Variants in RBM46 observed in about 807,000 individuals in gnomAD.
RBM46 encodes probable RNA-binding protein 46.
A neutral mutation model predicts 43.3 loss-of-function variants in RBM46; 12 were observed. The observed-to-expected ratio is 0.28, with a 90% CI of 0.18 to 0.45. The LOEUF is 0.45. RBM46 is among the 20% of genes least tolerant of loss of function. The pLI, the probability that RBM46 is intolerant of heterozygous loss-of-function variation, is 1.00. For missense variants in RBM46, 412 were observed against 639.1 expected (o/e 0.64, Z 3.83); for synonymous variants, 205 against 207.6 (o/e 0.99, Z 0.11).
chr4:154,823,443 T>G (rs1329948566), intron 4 of RBM46, among the ~76,000 whole-genome samples: 1 of 151,790 alleles, frequency 6.6e-6, no homozygotes, highest in Non-Finnish European at 1.5e-5. Context: ...AAACCAATTA[T>G]GAGGAATATA....
intron 4 of RBM46, among the ~76,000 whole-genome samples, chr4:154,805,036 T>G (rs1449002791): frequency 1.3e-5 from 2 of 152,096 alleles, no homozygotes; most frequent in Non-Finnish European, 2.9e-5. Context: ...TTGTAAACCC[T>G]TTGCAGAGTT....
Position 154,798,922 on chromosome 4 carries a change from G to A in RBM46, c.760G>A (p.Ala254Thr). Residue 254 changes from alanine to threonine, a missense_variant, in exon 4 of 5, where the codon GCA becomes ACA. By Grantham distance (58) the Ala-to-Thr change is moderately conservative (BLOSUM62 0). Transcript: ENST00000281722. ...MISTTEETIK[A>T]EFNKFKPGAV... ...CTCAACTACAGAGGAAACAATTAAA[G>A]CAGAATTCAATAAATTTAAGCCTGG... is the stretch of plus-strand genomic sequence containing the variant. 6.2e-7 allele frequency: 1 copy of A among 1,613,558 alleles called. No homozygotes were observed.
chr4:154,786,253 AT>A (rs1239408610), intron 1 of RBM46, among the ~76,000 whole-genome samples: 3 of 151,696 alleles, frequency 2.0e-5, no homozygotes, highest in Admixed American at 1.3e-4. Context: ...TGCCTGGCTA[AT>A]TTTTTTGTAT....
At chr4:154,808,568 C>CA (rs1735026250) in intron 4 of RBM46, among the ~76,000 whole-genome samples, 1 of 150,866 alleles carries the variant, frequency 6.6e-6, no homozygotes, top group African/African-American at 2.4e-5. Flanking sequence ...ATGTGGACGG[C>CA]TTTTTTTTTC....
chr4:154,802,263 G>C (rs1734673181), intron 4 of RBM46, among the ~76,000 whole-genome samples: 1 of 152,094 alleles, frequency 6.6e-6, no homozygotes, highest in Non-Finnish European at 1.5e-5. Context: ...AGAGAATTCA[G>C]GGAAGCAGAA....
intron 4 of RBM46, among the ~76,000 whole-genome samples, chr4:154,815,991 C>T (rs1350865438): frequency 6.6e-6 from 1 of 152,006 alleles, no homozygotes; most frequent in Non-Finnish European, 1.5e-5. Flanking sequence ...TTGCCATTTT[C>T]CCATGACTCT....
chr4:154,781,951 G>A (rs766161920), intron 1 of RBM46: 6 of 152,294 alleles, frequency 3.9e-5, no homozygotes, highest in Non-Finnish European at 7.3e-5. Flanking sequence ...CAGCAGTCTG[G>A]TTTCAGAATT....
At position 154,797,962 on chromosome 4, in the gene RBM46, A is replaced by G; in HGVS notation, c.303A>G (p.Arg101=). The G allele has an allele frequency of 1.9e-6, 3 of 1,612,794 alleles. No homozygotes were observed. Among genetic ancestry groups the G allele is most frequent in the Non-Finnish European group, 2.5e-6 (3 of 1,179,682 alleles). The change falls in exon 3 of 5, where the codon CGA becomes CGG. Residue 101 remains arginine (R), a synonymous_variant. Coordinates refer to ENST00000281722, the MANE Select transcript of RBM46 (RefSeq NM_144979.5). ...TGATGGAATTTAGTGGTGAAAATCGAGGTTATGCTTTTGTGATGTACACTA... is the reference window on the plus strand; with the variant it reads ...TGATGGAATTTAGTGGTGAAAATCGGGGTTATGCTTTTGTGATGTACACTA... ...RLMMEFSGEN[R]GYAFVMYTTK... is the part of the protein sequence containing the mutation.
chr4:154,826,739 CTTTTTTTTT>C, intron 4 of RBM46: 3 of 933,630 alleles, frequency 3.2e-6, no homozygotes, highest in East Asian at 2.9e-5. Context: ...TTCATTTTTC[CTTTTTTTTT>C]TTTTTTTTTC....
chr4:154,817,817 AT>A (rs1735528555), intron 4 of RBM46, among the ~76,000 whole-genome samples: 1 of 149,832 alleles, frequency 6.7e-6, no homozygotes, highest in African/African-American at 2.5e-5. Context: ...TGCTTGTTTT[AT>A]TTTTTCATTT....
At chr4:154,809,302 C>T (rs1334039154) in intron 4 of RBM46, among the ~76,000 whole-genome samples, 2 of 151,794 alleles carry the variant, frequency 1.3e-5, no homozygotes, top group African/African-American at 4.8e-5. Flanking sequence ...TCCTCTGAGG[C>T]CTTGGAAAGC....
rs1400477693 is a variant in RBM46, at chr4:154,786,818, T to C, written c.-12+5382T>C. ...GGCGCATGCCTGTAGTCCCAGCTACTTGGGAGGCTGAGGAAGGAGAATCGC... is the reference window on the plus strand; with the variant it reads ...GGCGCATGCCTGTAGTCCCAGCTACCTGGGAGGCTGAGGAAGGAGAATCGC... On this transcript the variant is annotated intron_variant, in intron 1 of 4. Transcript: ENST00000281722. Among the ~76,000 whole-genome samples the C allele has an allele frequency of 4.6e-5, 7 of 152,176 alleles. No individual in the cohort carries two copies. In the East Asian group the frequency reaches 1.4e-3, roughly 30 times the overall value.
At chr4:154,797,018 CA>C in intron 2 of RBM46, 115 bp downstream of exon 2, 6 of 714,882 alleles carry the variant, frequency 8.4e-6, no homozygotes, top group Non-Finnish European at 1.0e-5. Flanking sequence ...TGCTTTAAGA[CA>C]TTTTTTTTTT....
intron 4 of RBM46, among the ~76,000 whole-genome samples, chr4:154,816,479 A>G (rs1416912513): frequency 6.6e-6 from 1 of 152,094 alleles, no homozygotes; most frequent in Non-Finnish European, 1.5e-5. Context: ...AGTGTTTTTC[A>G]TAATGTCATC....
chr4:154,782,439 T>C (rs1733534429), intron 1 of RBM46, among the ~76,000 whole-genome samples: 1 of 152,212 alleles, frequency 6.6e-6, no homozygotes, highest in African/African-American at 2.4e-5. Context: ...AATCCTAATA[T>C]AGGCAAATAT....
intron 1 of RBM46, among the ~76,000 whole-genome samples, chr4:154,796,436 C>T (rs1027531698): frequency 6.6e-6 from 1 of 152,156 alleles, no homozygotes; most frequent in African/African-American, 2.4e-5. Flanking sequence ...GTTTGCTTTC[C>T]TTTTTCTTCT....
Position 154,799,115 on chromosome 4 carries a change from A to T in RBM46, c.953A>T (p.His318Leu), listed in dbSNP as rs1162701713. ...AATAAAGAAAACACTTGGAGACAGCATCTTAATGGTCAGATTAGTCCAAAT... is the reference window on the plus strand; with the variant it reads ...AATAAAGAAAACACTTGGAGACAGCTTCTTAATGGTCAGATTAGTCCAAAT... Reference protein sequence around the residue: ...PVNKENTWRQHLNGQISPNSE... With the variant: ...PVNKENTWRQLLNGQISPNSE... The change falls in exon 4 of 5, where the codon CAT becomes CTT. Residue 318 changes from histidine (H) to leucine (L), a missense_variant. His to Leu is a moderately conservative substitution (Grantham distance 99). This residue lies in a region of RBM46 where 105 missense variants were observed against 111.0 expected (regional missense o/e 0.95). Transcript: ENST00000281722. The T allele has an allele frequency of 2.5e-6, 4 of 1,614,130 alleles. No homozygotes were observed. Among genetic ancestry groups the T allele is most frequent in the East Asian group, 2.2e-5 (1 of 44,878 alleles).
At chr4:154,807,401 A>G (rs961983412) in intron 4 of RBM46, among the ~76,000 whole-genome samples, 4 of 151,638 alleles carry the variant, frequency 2.6e-5, no homozygotes, top group East Asian at 3.9e-4. Context: ...TCTTCAGCCT[A>G]TCATGCCCTT....
chr4:154,812,707 T>C (rs1735240079), intron 4 of RBM46, among the ~76,000 whole-genome samples: 1 of 152,214 alleles, frequency 6.6e-6, no homozygotes, highest in Non-Finnish European at 1.5e-5. Flanking sequence ...TATTGTAGTA[T>C]AATCAAATAC....
Sources: allele counts gnomAD v4.1 joint callset (sites outside exome capture counted in the v4.1 genomes callset), GRCh38; gene constraint gnomAD v4.1.1; regional missense constraint gnomAD v4.1.1; transcripts MANE v1.5; gene names NCBI Gene and HGNC (gene_info 2026-07-23, HGNC 2026-07-21).